KHDRBS2: variants seen among roughly 807,000 people sequenced by gnomAD.
The protein encoded by KHDRBS2 is KH RNA binding domain containing, signal transduction associated 2, also known as KH domain-containing, RNA-binding, signal transduction-associated protein 2.
KHDRBS2 carries 26 observed loss-of-function variants against 44.3 expected under a neutral mutation model. That is an observed-to-expected ratio of 0.59 (90% CI 0.43 to 0.81). KHDRBS2 has a LOEUF of 0.81. KHDRBS2 is among the 40% of genes least tolerant of loss of function. KHDRBS2 has a pLI of 0.00. For missense variants in KHDRBS2, 476 were observed against 433.1 expected (o/e 1.10, Z -0.88); for synonymous variants, 194 against 151.1 (o/e 1.28, Z -2.08).
At chr6:61,810,548 T>C (rs1255918655) in intron 6 of KHDRBS2, among the ~76,000 whole-genome samples, 1 of 152,034 alleles carries the variant, frequency 6.6e-6, no homozygotes, top group Non-Finnish European at 1.5e-5. Context: ...GCCTACAAAT[T>C]TGTAAATAAT....
chr6:61,886,654 G>A (rs1800997841), intron 6 of KHDRBS2, among the ~76,000 whole-genome samples: 1 of 152,138 alleles, frequency 6.6e-6, no homozygotes, highest in Non-Finnish European at 1.5e-5. Flanking sequence ...ACTTAGAACT[G>A]AAAAGATAAA....
intron 6 of KHDRBS2, among the ~76,000 whole-genome samples, chr6:61,862,209 T>C (rs1348952608): frequency 6.6e-6 from 1 of 152,106 alleles, no homozygotes; most frequent in Non-Finnish European, 1.5e-5. Flanking sequence ...CTTTTCCTAT[T>C]GTCATCTGCA....
At chr6:62,221,729 T>C (rs1025558943) in intron 1 of KHDRBS2, among the ~76,000 whole-genome samples, 1 of 152,096 alleles carries the variant, frequency 6.6e-6, no homozygotes, top group African/African-American at 2.4e-5. Context: ...TCTCAACAAC[T>C]GATAAGTCAA....
At chr6:61,967,527 T>C (rs1019362542) in intron 4 of KHDRBS2, among the ~76,000 whole-genome samples, 21 of 151,516 alleles carry the variant, frequency 1.4e-4, no homozygotes, top group African/African-American at 4.6e-4. Flanking sequence ...TTATAAAGGG[T>C]CAGTGGGGAA....
the KHDRBS2 span, among the ~76,000 whole-genome samples, chr6:61,613,506 G>A: frequency 1.5e-3 from 223 of 152,170 alleles, no homozygotes; most frequent in Non-Finnish European, 2.3e-3. Context: ...AATTATTATA[G>A]GATGAGAAAT....
the KHDRBS2 span, among the ~76,000 whole-genome samples, chr6:61,622,690 C>T: frequency 2.0e-5 from 3 of 152,056 alleles, no homozygotes; most frequent in African/African-American, 7.2e-5. Context: ...CCTGAGTTTC[C>T]CCGGCAGGAA....
At chr6:61,666,804 C>T in the KHDRBS2 span, among the ~76,000 whole-genome samples, 12 of 151,270 alleles carry the variant, frequency 7.9e-5, no homozygotes, top group Non-Finnish European at 3.0e-5. Flanking sequence ...ATAGGTATTT[C>T]TGGGTCCTTG....
intron 3 of KHDRBS2, among the ~76,000 whole-genome samples, chr6:61,988,006 T>A (rs910980744): frequency 2.0e-5 from 3 of 152,172 alleles, no homozygotes; most frequent in Non-Finnish European, 4.4e-5. Context: ...CCAAGGGTGA[T>A]ATTTTAAAAA....
chr6:61,670,924 G>T, the KHDRBS2 span, among the ~76,000 whole-genome samples: 4 of 151,572 alleles, frequency 2.6e-5, no homozygotes, highest in African/African-American at 9.7e-5. Context: ...GAGCTCTGTT[G>T]AATAGATTGG....
Position 61,905,854 on chromosome 6 carries a change from C to CTTTTTT in KHDRBS2, c.484-4489_484-4484dup, listed in dbSNP as rs10676797. ...AAAAAAAATATGGAACAAAACTTTT[C>CTTTTTT]TTTTTTTTTTTTTTTTTTTGAGATG... On this transcript the variant is annotated intron_variant, in intron 4 of 8. Transcript: ENST00000281156. Among the ~76,000 whole-genome samples the CTTTTTT allele has an allele frequency of 2.6e-4, 30 of 114,182 alleles. 1 individual carries two copies. Among genetic ancestry groups the CTTTTTT allele is most frequent in the South Asian group, 2.0e-3 (7 of 3,428 alleles). The allele number at this position is 114,182 out of a possible 152,430, so 74.9% of individuals were successfully genotyped here. A position where few individuals can be genotyped will look rare whatever the true frequency, so the allele number is the denominator to read the frequency against.
chr6:61,914,560 A>G (rs1247220487), intron 4 of KHDRBS2, among the ~76,000 whole-genome samples: 2 of 151,986 alleles, frequency 1.3e-5, no homozygotes, highest in African/African-American at 4.8e-5. Context: ...CCTAATGTAA[A>G]TGACGAGTTA....
At chr6:62,176,671 G>A (rs1441541699) in intron 2 of KHDRBS2, among the ~76,000 whole-genome samples, 1 of 151,080 alleles carries the variant, frequency 6.6e-6, no homozygotes, top group Non-Finnish European at 1.5e-5. Context: ...AAAGAAAGAT[G>A]TAACATTAAG....
chr6:61,609,639 A>G, the KHDRBS2 span, among the ~76,000 whole-genome samples: 1 of 152,134 alleles, frequency 6.6e-6, no homozygotes, highest in Admixed American at 6.6e-5. Context: ...ACTGGTTTTT[A>G]GGTAAGTTTT....
the KHDRBS2 span, among the ~76,000 whole-genome samples, chr6:61,596,135 C>A: frequency 2.0e-5 from 3 of 152,082 alleles, no homozygotes; most frequent in African/African-American, 7.2e-5. Context: ...ATCTGAGAAT[C>A]CAGAGGCTCA....
At chr6:61,550,630 C>A in the KHDRBS2 span, among the ~76,000 whole-genome samples, 2 of 152,088 alleles carry the variant, frequency 1.3e-5, no homozygotes, top group Non-Finnish European at 2.9e-5. Context: ...AATTGCCACA[C>A]TGGTTTCCAT....
chr6:61,805,705 G>A (rs1787041820), intron 6 of KHDRBS2, among the ~76,000 whole-genome samples: 1 of 152,048 alleles, frequency 6.6e-6, no homozygotes, highest in South Asian at 2.1e-4. Context: ...GAGTGAAGGG[G>A]GCTAAAGTCC....
the KHDRBS2 span, among the ~76,000 whole-genome samples, chr6:61,587,363 ATCTC>A: frequency 4.7e-5 from 7 of 149,678 alleles, no homozygotes; most frequent in African/African-American, 1.2e-4. Flanking sequence ...GCTTTTTTTT[ATCTC>A]TCTCTCTCTC....
intron 1 of KHDRBS2, among the ~76,000 whole-genome samples, chr6:62,240,059 T>C (rs1438352934): frequency 1.3e-5 from 2 of 152,186 alleles, no homozygotes; most frequent in Admixed American, 6.5e-5. Flanking sequence ...CTGAAGATGG[T>C]ACAGAGTTCC....
At chr6:61,699,789 C>T (rs1032514351) in intron 7 of KHDRBS2, among the ~76,000 whole-genome samples, 3 of 152,026 alleles carry the variant, frequency 2.0e-5, no homozygotes, top group African/African-American at 4.8e-5. Context: ...AATGCATAAA[C>T]TTCAACATAA....
Sources: allele counts gnomAD v4.1 joint callset (sites outside exome capture counted in the v4.1 genomes callset), GRCh38; gene constraint gnomAD v4.1.1; transcripts MANE v1.5; gene names NCBI Gene and HGNC (gene_info 2026-07-23, HGNC 2026-07-21).